The following PTPRD variants were observed in gnomAD, a reference collection of about 807,000 sequenced individuals.
The protein encoded by PTPRD is protein tyrosine phosphatase receptor type D.
PTPRD carries 34 observed loss-of-function variants against 214.5 expected under a neutral mutation model. That is an observed-to-expected ratio of 0.16 (90% CI 0.12 to 0.21). The LOEUF is 0.21. Among genes scored for constraint, PTPRD ranks in the 10% least tolerant of loss-of-function variants. PTPRD has a pLI of 1.00. For missense variants in PTPRD, 2,545 were observed against 2,398.7 expected (o/e 1.06, Z -1.27); for synonymous variants, 1,128 against 845.7 (o/e 1.33, Z -5.79).
At chr9:9,289,027 C>A (rs1950352899) in intron 9 of PTPRD, among the ~76,000 whole-genome samples, 1 of 151,812 alleles carries the variant, frequency 6.6e-6, no homozygotes, top group African/African-American at 2.4e-5. Flanking sequence ...TATAAATTAT[C>A]CAGTTTCAGG....
chr9:8,390,624 T>C (rs2089191811), intron 36 of PTPRD, among the ~76,000 whole-genome samples: 1 of 152,192 alleles, frequency 6.6e-6, no homozygotes, highest in Non-Finnish European at 1.5e-5. Context: ...TAAATAATTT[T>C]CCCCAGTTCC....
chr9:9,151,191 C>T (rs965433553), intron 10 of PTPRD, among the ~76,000 whole-genome samples: 3 of 152,226 alleles, frequency 2.0e-5, no homozygotes, highest in African/African-American at 7.2e-5. Flanking sequence ...GAATTCTAGT[C>T]CTTCAGAATG....
chr9:9,202,641 C>A (rs2099942557), intron 9 of PTPRD, among the ~76,000 whole-genome samples: 1 of 152,148 alleles, frequency 6.6e-6, no homozygotes, highest in Non-Finnish European at 1.5e-5. Context: ...CTTGAAACTT[C>A]TGTCTTGCAG....
chr9:9,127,616 A>C (rs1178854040), intron 10 of PTPRD, among the ~76,000 whole-genome samples: 2 of 152,150 alleles, frequency 1.3e-5, no homozygotes, highest in Non-Finnish European at 2.9e-5. Flanking sequence ...AACATGATAA[A>C]GTTAGATGTC....
intron 7 of PTPRD, among the ~76,000 whole-genome samples, chr9:9,603,070 GT>G (rs1319598128): frequency 6.6e-6 from 1 of 152,094 alleles, no homozygotes; most frequent in Non-Finnish European, 1.5e-5. Context: ...AAATTAATCT[GT>G]GAACGTAATG....
intron 3 of PTPRD, among the ~76,000 whole-genome samples, chr9:10,142,644 T>C (rs2098994382): frequency 2.0e-5 from 3 of 148,350 alleles, no homozygotes; most frequent in Non-Finnish European, 4.5e-5. Context: ...GGAGAGGATG[T>C]GGAGAAATAG....
intron 14 of PTPRD, among the ~76,000 whole-genome samples, chr9:8,602,752 T>C (rs2094944756): frequency 1.3e-5 from 2 of 152,172 alleles, no homozygotes; most frequent in South Asian, 4.1e-4. Flanking sequence ...AAACATGCAG[T>C]TACATAAATA....
intron 5 of PTPRD, among the ~76,000 whole-genome samples, chr9:9,846,717 C>G (rs528770400): frequency 1.3e-5 from 2 of 152,134 alleles, no homozygotes; most frequent in East Asian, 3.9e-4. Context: ...CCAACTAAAC[C>G]AAATGAAAGA....
intron 4 of PTPRD, among the ~76,000 whole-genome samples, chr9:9,961,325 C>A (rs1252491428): frequency 1.3e-5 from 2 of 152,096 alleles, no homozygotes; most frequent in South Asian, 2.1e-4. Flanking sequence ...GTCATCTGTT[C>A]CTTGTTTGAG....
chr9:9,928,481 G>C (rs151229055), intron 5 of PTPRD, among the ~76,000 whole-genome samples: 279 of 152,132 alleles, frequency 1.8e-3, no homozygotes, highest in African/African-American at 6.6e-3. Context: ...AAACTTAAAA[G>C]GAGGGAATTT....
At chr9:10,266,808 G>A (rs764868291) in intron 3 of PTPRD, among the ~76,000 whole-genome samples, 2 of 152,038 alleles carry the variant, frequency 1.3e-5, no homozygotes, top group African/African-American at 2.4e-5. Context: ...AAAATTTAGC[G>A]TGTAAAGCCC....
chr9:8,379,851 A>T lies in PTPRD; in HGVS notation c.4387-3125T>A, dbSNP rs141339616. Among the ~76,000 whole-genome samples the T allele has an allele frequency of 1.9e-3, 290 of 152,200 alleles. 3 individuals carry two copies. The highest frequency in any genetic ancestry group is 6.6e-3 in the African/African-American group (273 of 41,540). ...TACAAGCGGCCTCTAGGACTGATTC[A>T]TGGAAGGTCAGGCAGAGTCTCCCTG... On this transcript the variant is annotated intron_variant, in intron 37 of 45. Transcript: ENST00000381196.
At chr9:9,264,301 A>G (rs1937959592) in intron 9 of PTPRD, among the ~76,000 whole-genome samples, 1 of 151,682 alleles carries the variant, frequency 6.6e-6, no homozygotes. Flanking sequence ...AAACAACTCA[A>G]CAAGACCGAA....
At chr9:9,263,324 C>T (rs991982534) in intron 9 of PTPRD, among the ~76,000 whole-genome samples, 8 of 151,704 alleles carry the variant, frequency 5.3e-5, no homozygotes, top group African/African-American at 1.9e-4. Context: ...AGGGAATAGA[C>T]ATTGTCTTTT....
At chr9:8,647,087 G>C (rs563807932) in intron 12 of PTPRD, among the ~76,000 whole-genome samples, 1 of 152,172 alleles carries the variant, frequency 6.6e-6, no homozygotes, top group Non-Finnish European at 1.5e-5. Context: ...CCCTAAGCTG[G>C]CAAATGTAGC....
chr9:9,588,654 C>T (rs1195726834), intron 7 of PTPRD, among the ~76,000 whole-genome samples: 1 of 151,760 alleles, frequency 6.6e-6, no homozygotes, highest in Non-Finnish European at 1.5e-5. Flanking sequence ...TTTTAATATC[C>T]ATGTTTATGA....
chr9:10,611,472 G>C (rs1270943840), intron 2 of PTPRD, among the ~76,000 whole-genome samples: 1 of 152,088 alleles, frequency 6.6e-6, no homozygotes, highest in Non-Finnish European at 1.5e-5. Flanking sequence ...ACAAAATATT[G>C]GCAAATGTTA....
At chr9:9,203,230 G>A (rs1213874470) in intron 9 of PTPRD, among the ~76,000 whole-genome samples, 1 of 150,330 alleles carries the variant, frequency 6.7e-6, no homozygotes, top group Admixed American at 6.7e-5. Flanking sequence ...GACTCCATCA[G>A]ACACACACAC....
intron 3 of PTPRD, among the ~76,000 whole-genome samples, chr9:10,326,601 T>A (rs1184573726): frequency 6.6e-6 from 1 of 151,692 alleles, no homozygotes; most frequent in Admixed American, 6.6e-5. Flanking sequence ...TTTGGTTTTA[T>A]TGAATATTAA....
Sources: allele counts gnomAD v4.1 joint callset (sites outside exome capture counted in the v4.1 genomes callset), GRCh38; gene constraint gnomAD v4.1.1; transcripts MANE v1.5; gene names NCBI Gene and HGNC (gene_info 2026-07-23, HGNC 2026-07-21).